RNF111: variants seen among roughly 807,000 people sequenced by gnomAD.
The protein encoded by RNF111 is E3 ubiquitin-protein ligase Arkadia.
A neutral mutation model predicts 95.1 loss-of-function variants in RNF111; 17 were observed. The ratio of observed to expected loss-of-function variants is 0.18; its 90% CI spans 0.12 to 0.27. The LOEUF is 0.27. RNF111 is among the 10% of genes least tolerant of loss of function. The pLI, the probability that RNF111 is intolerant of heterozygous loss-of-function variation, is 1.00. For synonymous variants in RNF111, 440 were observed against 414.8 expected (o/e 1.06, Z -0.74); for missense variants, 1,189 against 1,210.4 (o/e 0.98, Z 0.26).
intron 1 of RNF111, among the ~76,000 whole-genome samples, chr15:58,990,183 C>T (rs2038748812): frequency 6.6e-6 from 1 of 152,162 alleles, no homozygotes; most frequent in South Asian, 2.1e-4. Context: ...TCAGGTCTCT[C>T]TGTTTAAATG....
intron 1 of RNF111, among the ~76,000 whole-genome samples, chr15:59,023,859 A>T: frequency 6.6e-6 from 1 of 152,236 alleles, no homozygotes; most frequent in African/African-American, 2.4e-5. Context: ...TAGTTTGAAG[A>T]TTTACTTTAT....
chr15:59,034,689 T>C (rs1204593518), intron 2 of RNF111, among the ~76,000 whole-genome samples: 1 of 152,232 alleles, frequency 6.6e-6, no homozygotes, highest in Admixed American at 6.5e-5. Flanking sequence ...GGAGATAGGT[T>C]ATTTCCTAGT....
chr15:59,010,926 T>C (rs952951519), intron 1 of RNF111, among the ~76,000 whole-genome samples: 67 of 152,302 alleles, frequency 4.4e-4, no homozygotes, highest in South Asian at 2.1e-4. Flanking sequence ...TTCTGTGGGC[T>C]TTTGTCTAGT....
At chr15:59,047,450 G>A (rs112129861) in intron 2 of RNF111, among the ~76,000 whole-genome samples, 4 of 152,042 alleles carry the variant, frequency 2.6e-5, no homozygotes, top group Non-Finnish European at 5.9e-5. Context: ...AGCTATTATC[G>A]TGCCATTGTA....
chr15:59,006,229 A>G (rs1372629819), intron 1 of RNF111, among the ~76,000 whole-genome samples: 4 of 152,234 alleles, frequency 2.6e-5, no homozygotes, highest in Non-Finnish European at 4.4e-5. Context: ...TTTATATACA[A>G]TATGAGGCAC....
In RNF111 at chr15:59,049,217, CTTCT is replaced by C. The variant is rs1412449719; in HGVS notation, c.881-3083_881-3080del. Among the ~76,000 whole-genome samples, 8 of 152,258 alleles carry C rather than the reference CTTCT, an allele frequency of 5.3e-5. No individual in the cohort carries two copies. In the East Asian group the frequency reaches 1.6e-3, roughly 30 times the overall value. On this transcript the variant is annotated intron_variant, in intron 2 of 13. Transcript: ENST00000348370. The stretch of plus-strand genomic sequence containing the variant: ...CGCTCTGACCCTGGTTACCACCACT[CTTCT>C]TTCTGTTTCTACAAATTTGACTACT...
chr15:58,990,395 C>T (rs568524878), intron 1 of RNF111, among the ~76,000 whole-genome samples: 7 of 152,182 alleles, frequency 4.6e-5, no homozygotes, highest in African/African-American at 9.7e-5. Context: ...CGTGGTGGCT[C>T]ACCCCTGTAA....
intron 2 of RNF111, among the ~76,000 whole-genome samples, chr15:59,039,721 A>AT (rs113202002): frequency 0.032 from 4,521 of 143,292 alleles, 199 homozygotes; most frequent in African/African-American, 0.098. Flanking sequence ...AGAACTCCTG[A>AT]TTTTTTTTTT....
chr15:59,015,014 G>A (rs2040002035), intron 1 of RNF111, among the ~76,000 whole-genome samples: 1 of 152,180 alleles, frequency 6.6e-6, no homozygotes, highest in Non-Finnish European at 1.5e-5. Flanking sequence ...CTCCGTAAGT[G>A]CTGGGATAAT....
In RNF111 at chr15:58,996,863, A is replaced by T. The variant is rs544675991; in HGVS notation, c.-20+8795A>T. On this transcript the variant is annotated intron_variant, in intron 1 of 13. Transcript: ENST00000348370. Reference sequence around the variant, plus strand: ...CGGTTTTAAAAGTCAGTTTCAAAAGACTTACAATGAAAAACAGTGGTTTCC... The same window carrying T: ...CGGTTTTAAAAGTCAGTTTCAAAAGTCTTACAATGAAAAACAGTGGTTTCC... Among the ~76,000 whole-genome samples the T allele has an allele frequency of 5.3e-5, 8 of 152,132 alleles. No homozygotes were observed. The South Asian group carries it at 1.7e-3, about 31-fold the overall frequency.
chr15:59,080,718 G>A (rs770391875), intron 7 of RNF111, among the ~76,000 whole-genome samples: 2 of 152,098 alleles, frequency 1.3e-5, no homozygotes, highest in African/African-American at 4.8e-5. Context: ...GAAGCTGTGA[G>A]TGAAGTTAAA....
intron 1 of RNF111, among the ~76,000 whole-genome samples, chr15:59,013,810 C>T (rs1374185349): frequency 6.6e-6 from 1 of 151,380 alleles, no homozygotes; most frequent in African/African-American, 2.4e-5. Flanking sequence ...TTTTTGGAGA[C>T]AAGAGTCTCA....
In RNF111 at chr15:59,084,038, A is replaced by G. The variant is rs1163896094; in HGVS notation, c.2298-91A>G. ...TGACTAATCTATAGATGTTTATAGT[A>G]TTAATACTAGGGATTTTTTTCTACA... On this transcript the variant is annotated intron_variant, in intron 8 of 13. Transcript: ENST00000348370. 5 of 1,200,742 alleles carry G rather than the reference A, an allele frequency of 4.2e-6. 1 individual carries two copies. Among genetic ancestry groups the G allele is most frequent in the African/African-American group, 3.2e-5 (2 of 63,446 alleles). The allele number at this position is 1,200,742 out of a possible 1,614,324, so 74.4% of individuals were successfully genotyped here.
intron 5 of RNF111, among the ~76,000 whole-genome samples, chr15:59,063,808 A>G (rs1425601386): frequency 6.6e-6 from 1 of 152,222 alleles, no homozygotes; most frequent in Non-Finnish European, 1.5e-5. Flanking sequence ...TTTAGAGTCA[A>G]CGTAATCCTC....
At chr15:59,041,326 C>T (rs1367720775) in intron 2 of RNF111, among the ~76,000 whole-genome samples, 2 of 152,054 alleles carry the variant, frequency 1.3e-5, no homozygotes, top group East Asian at 1.9e-4. Context: ...GAGGCCGAGG[C>T]GGGTGGATCA....
chr15:59,033,939 T>A (rs1185890592), intron 2 of RNF111, among the ~76,000 whole-genome samples: 1 of 152,044 alleles, frequency 6.6e-6, no homozygotes, highest in Non-Finnish European at 1.5e-5. Flanking sequence ...AAACTGGTTT[T>A]AAAAAAAATA....
chr15:59,090,643 T>TA (rs1414260149), intron 11 of RNF111, among the ~76,000 whole-genome samples: 1 of 152,258 alleles, frequency 6.6e-6, no homozygotes, highest in African/African-American at 2.4e-5. Context: ...CATACATACA[T>TA]ACATACTGAC....
intron 1 of RNF111, among the ~76,000 whole-genome samples, chr15:59,019,774 C>T (rs1416017152): frequency 5.9e-5 from 9 of 152,140 alleles, no homozygotes; most frequent in Admixed American, 3.3e-4. Flanking sequence ...GCCTGGCCAA[C>T]GTGGTAAAAC....
At chr15:59,062,834 C>T (rs192097301) in intron 5 of RNF111, among the ~76,000 whole-genome samples, 3 of 152,184 alleles carry the variant, frequency 2.0e-5, no homozygotes, top group Non-Finnish European at 2.9e-5. Context: ...CTTGGCACTA[C>T]TATTGACTTT....
Sources: allele counts gnomAD v4.1 joint callset (sites outside exome capture counted in the v4.1 genomes callset), GRCh38; gene constraint gnomAD v4.1.1; transcripts MANE v1.5; gene names NCBI Gene and HGNC (gene_info 2026-07-23, HGNC 2026-07-21).